Variants in ARHGEF28 observed in about 807,000 individuals in gnomAD.
ARHGEF28 encodes 190 kDa guanine nucleotide exchange factor.
ARHGEF28 carries 152 observed loss-of-function variants against 206.6 expected under a neutral mutation model. The observed-to-expected ratio is 0.74, with a 90% CI of 0.64 to 0.84. The LOEUF (loss-of-function observed/expected upper bound fraction) is 0.84. ARHGEF28 is among the 40% of genes least tolerant of loss of function. The pLI, the probability that ARHGEF28 is intolerant of heterozygous loss-of-function variation, is 0.00. For synonymous variants in ARHGEF28, 763 were observed against 776.4 expected, an observed-to-expected ratio of 0.98 and a Z score of 0.29; for missense variants, 2,028 against 2,073.2, an observed-to-expected ratio of 0.98 and a Z score of 0.42.
At chr5:73,889,780 GA>G (rs1442186259) in intron 26 of ARHGEF28, among the ~76,000 whole-genome samples, 1 of 152,202 alleles carries the variant, frequency 6.6e-6, no homozygotes, top group African/African-American at 2.4e-5. Context: ...TGAGACAATA[GA>G]AAGTTGTAGG....
intron 35 of ARHGEF28, among the ~76,000 whole-genome samples, chr5:73,914,018 A>G (rs919496601): frequency 2.0e-5 from 3 of 152,182 alleles, no homozygotes; most frequent in South Asian, 2.1e-4. Flanking sequence ...GTATATAAAA[A>G]CAATTCTCCA....
At chr5:73,815,468 A>T (rs1033483573) in intron 9 of ARHGEF28, among the ~76,000 whole-genome samples, 1 of 152,192 alleles carries the variant, frequency 6.6e-6, no homozygotes, top group Non-Finnish European at 1.5e-5. Flanking sequence ...ATTACTTTGG[A>T]GTGAATATTA....
chr5:73,808,730 T>C lies in ARHGEF28; in HGVS notation c.1024+13339T>C. Among the ~76,000 whole-genome samples, 2 of 152,182 alleles carry C rather than the reference T, an allele frequency of 1.3e-5. 1 individual carries two copies. The highest frequency in any genetic ancestry group is 4.2e-4 in the South Asian group (2 of 4,818). ...TCCTTTTATCTGGATATTTTATGAC[T>C]TTCCAGGAACAATGTCTAGTAGTAT... On this transcript the variant is annotated intron_variant, in intron 9 of 35. Transcript: ENST00000513042.
At chr5:73,706,555 G>A (rs922161146) in intron 2 of ARHGEF28, among the ~76,000 whole-genome samples, 3 of 152,184 alleles carry the variant, frequency 2.0e-5, no homozygotes, top group Non-Finnish European at 1.5e-5. Flanking sequence ...TTTTCCTGCC[G>A]ATTTCTGGAT....
At chr5:73,735,394 C>G (rs1276456362) in intron 2 of ARHGEF28, among the ~76,000 whole-genome samples, 1 of 152,108 alleles carries the variant, frequency 6.6e-6, no homozygotes, top group Non-Finnish European at 1.5e-5. Flanking sequence ...GTAGCAGAGG[C>G]AGCCAGGATT....
chr5:73,768,041 A>T (rs1170384269), intron 4 of ARHGEF28, among the ~76,000 whole-genome samples: 1 of 152,180 alleles, frequency 6.6e-6, no homozygotes, highest in Non-Finnish European at 1.5e-5. Flanking sequence ...CAGCCTCCAC[A>T]TGGTGTTGAA....
chr5:73,737,459 TTTC>T (rs367591021), intron 2 of ARHGEF28, among the ~76,000 whole-genome samples: 34 of 54,618 alleles, frequency 6.2e-4, no homozygotes, highest in African/African-American at 2.3e-3. Flanking sequence ...TTTCTTTTCT[TTTC>T]TTTTCTTTTC....
At chr5:73,830,604 G>A (rs1191104945) in intron 9 of ARHGEF28, among the ~76,000 whole-genome samples, 1 of 151,316 alleles carries the variant, frequency 6.6e-6, no homozygotes, top group Non-Finnish European at 1.5e-5. Flanking sequence ...AACATCGTAT[G>A]TTTCCTCCAG....
chr5:73,661,981 T>C (rs1397531666), intron 1 of ARHGEF28, among the ~76,000 whole-genome samples: 2 of 152,112 alleles, frequency 1.3e-5, no homozygotes, highest in Admixed American at 1.3e-4. Context: ...AACTTTCAGT[T>C]TGTAAGAAAC....
At chr5:73,932,158 G>T (rs900409441) in intron 35 of ARHGEF28, among the ~76,000 whole-genome samples, 2 of 152,140 alleles carry the variant, frequency 1.3e-5, no homozygotes, top group African/African-American at 4.8e-5. Context: ...AAATAACAGA[G>T]AAACTACTAA....
chr5:73,773,106 C>A (rs1388074736), intron 4 of ARHGEF28, among the ~76,000 whole-genome samples: 2 of 152,168 alleles, frequency 1.3e-5, no homozygotes. Flanking sequence ...AAATGGCTTT[C>A]ATTTGCCAGA....
Position 73,730,634 on chromosome 5 carries a change from A to G in ARHGEF28, c.34-19203A>G, listed in dbSNP as rs1047554779. On this transcript the variant is annotated intron_variant, in intron 2 of 35. Transcript: ENST00000513042. ...CTGCAGCCTCAGCCTTCCTGGGCTC[A>G]GGTGATCCTCCTACCTCAGGCCCCC... 4.7e-5 allele frequency among the ~76,000 whole-genome samples: 7 copies of G among 149,508 alleles called. No individual in the cohort carries two copies. In the Admixed American group the frequency reaches 4.7e-4, roughly 10 times the overall value.
intron 9 of ARHGEF28, among the ~76,000 whole-genome samples, chr5:73,805,416 G>A (rs191254128): frequency 1.3e-5 from 2 of 152,332 alleles, no homozygotes; most frequent in Non-Finnish European, 2.9e-5. Flanking sequence ...GGAATTTTGG[G>A]TGTGGTGGAG....
chr5:73,730,856 T>C (rs1750580861), intron 2 of ARHGEF28, among the ~76,000 whole-genome samples: 1 of 152,184 alleles, frequency 6.6e-6, no homozygotes, highest in Non-Finnish European at 1.5e-5. Flanking sequence ...GTTTAGAATC[T>C]TTTGGTTTTT....
intron 1 of ARHGEF28, among the ~76,000 whole-genome samples, chr5:73,673,285 C>T (rs751507235): frequency 2.6e-5 from 4 of 152,180 alleles, no homozygotes; most frequent in Non-Finnish European, 5.9e-5. Flanking sequence ...AGCCTACATT[C>T]CTAGGTTAGT....
intron 35 of ARHGEF28, among the ~76,000 whole-genome samples, chr5:73,914,634 T>G (rs1016918892): frequency 6.6e-6 from 1 of 152,128 alleles, no homozygotes; most frequent in Non-Finnish European, 1.5e-5. Context: ...TGACCTCAAG[T>G]AATCCACTGG....
intron 35 of ARHGEF28, among the ~76,000 whole-genome samples, chr5:73,918,462 A>G (rs433433): frequency 0.1 from 15,865 of 152,260 alleles, 1,044 homozygotes; most frequent in South Asian, 0.21. Flanking sequence ...TAATAGTGCA[A>G]TATTATATGG....
intron 1 of ARHGEF28, among the ~76,000 whole-genome samples, chr5:73,684,366 G>A (rs1747308079): frequency 6.6e-6 from 1 of 152,186 alleles, no homozygotes; most frequent in African/African-American, 2.4e-5. Flanking sequence ...TTAGCATAGT[G>A]TCTTTAAGGC....
At chr5:73,825,237 G>A (rs377493526) in intron 9 of ARHGEF28, among the ~76,000 whole-genome samples, 169 of 152,318 alleles carry the variant, frequency 1.1e-3, no homozygotes, top group African/African-American at 3.9e-3. Flanking sequence ...GCAAGGGTTG[G>A]CGGTTGCCAT....
Sources: allele counts gnomAD v4.1 joint callset (sites outside exome capture counted in the v4.1 genomes callset), GRCh38; gene constraint gnomAD v4.1.1; transcripts MANE v1.5; gene names NCBI Gene and HGNC (gene_info 2026-07-23, HGNC 2026-07-21).